SLC1A1: variants seen among roughly 807,000 people sequenced by gnomAD.
The protein encoded by SLC1A1 is solute carrier family 1 member 1.
Under a neutral mutation model 53.3 loss-of-function variants are expected in SLC1A1, and 43 were observed. The observed-to-expected ratio is 0.81, with a 90% CI of 0.63 to 1.04. The LOEUF is 1.04. SLC1A1 is among the 50% of genes least tolerant of loss of function. SLC1A1 has a pLI of 0.00. For missense variants in SLC1A1, 748 were observed against 664.9 expected (o/e 1.12, Z -1.37); for synonymous variants, 307 against 243.2 (o/e 1.26, Z -2.44).
At chr9:4,514,694 T>C (rs1821106191) in intron 1 of SLC1A1, among the ~76,000 whole-genome samples, 1 of 152,076 alleles carries the variant, frequency 6.6e-6, no homozygotes, top group Admixed American at 6.6e-5. Flanking sequence ...TGCCACCCTA[T>C]GTTAGGGGAC....
chr9:4,545,868 C>CAT (rs1817450899), intron 2 of SLC1A1, among the ~76,000 whole-genome samples: 1 of 118,024 alleles, frequency 8.5e-6, no homozygotes, highest in Non-Finnish European at 1.8e-5. Context: ...CTCTGCATTG[C>CAT]AGTTTCTTGT....
At chr9:4,543,765 CTAT>C (rs1217266568) in intron 1 of SLC1A1, among the ~76,000 whole-genome samples, 1 of 151,906 alleles carries the variant, frequency 6.6e-6, no homozygotes, top group Non-Finnish European at 1.5e-5. Flanking sequence ...AATCAATAGG[CTAT>C]TATATTCCTA....
At chr9:4,542,025 C>T (rs1817056954) in intron 1 of SLC1A1, among the ~76,000 whole-genome samples, 1 of 152,122 alleles carries the variant, frequency 6.6e-6, no homozygotes, top group African/African-American at 2.4e-5. Context: ...TAAAGCACAC[C>T]AATTTACAAG....
intron 1 of SLC1A1, among the ~76,000 whole-genome samples, chr9:4,491,037 G>C (rs564865032): frequency 6.6e-6 from 1 of 152,326 alleles, no homozygotes; most frequent in African/African-American, 2.4e-5. Flanking sequence ...AAAGGGGCTT[G>C]GGGGTAGAAA....
chr9:4,501,698 A>G (rs1251329534), intron 1 of SLC1A1, among the ~76,000 whole-genome samples: 1 of 151,704 alleles, frequency 6.6e-6, no homozygotes, highest in Non-Finnish European at 1.5e-5. Context: ...CTGGAGGCAG[A>G]GGTCGCAGTG....
intron 1 of SLC1A1, among the ~76,000 whole-genome samples, chr9:4,494,843 T>G (rs540793676): frequency 2.6e-5 from 4 of 152,256 alleles, no homozygotes; most frequent in African/African-American, 9.6e-5. Flanking sequence ...ATTCACAATA[T>G]AATACCTAAT....
chr9:4,523,957 C>T (rs1387389074), intron 1 of SLC1A1, among the ~76,000 whole-genome samples: 1 of 152,190 alleles, frequency 6.6e-6, no homozygotes, highest in Non-Finnish European at 1.5e-5. Flanking sequence ...TGAAGGGTTA[C>T]TGATGAATTC....
At chr9:4,535,646 T>C (rs371619702) in intron 1 of SLC1A1, among the ~76,000 whole-genome samples, 3 of 152,208 alleles carry the variant, frequency 2.0e-5, no homozygotes, top group African/African-American at 7.2e-5. Flanking sequence ...AGGTAATTTA[T>C]AGATTCAATG....
At chr9:4,574,644 T>A (rs917017997) in intron 8 of SLC1A1, among the ~76,000 whole-genome samples, 2 of 151,962 alleles carry the variant, frequency 1.3e-5, no homozygotes, top group Non-Finnish European at 2.9e-5. Context: ...ACTGTTTCCT[T>A]GAGAAAAGAT....
intron 3 of SLC1A1, among the ~76,000 whole-genome samples, chr9:4,563,024 T>G: frequency 6.7e-6 from 1 of 149,086 alleles, no homozygotes; most frequent in South Asian, 2.1e-4. Context: ...TGCTAGATGA[T>G]GAGTTAGTGG....
intron 1 of SLC1A1, among the ~76,000 whole-genome samples, chr9:4,517,248 G>T (rs1358798934): frequency 1.3e-5 from 2 of 152,086 alleles, no homozygotes; most frequent in Non-Finnish European, 2.9e-5. Context: ...TCACATCCAA[G>T]GTTCATCTAA....
chr9:4,585,155 C>T (rs1214670622), intron 11 of SLC1A1, among the ~76,000 whole-genome samples, 157 bp from the exon 12 acceptor site: 1 of 152,134 alleles, frequency 6.6e-6, no homozygotes, highest in Non-Finnish European at 1.5e-5. Flanking sequence ...ATGAACAACC[C>T]CAGGCCTGTG....
At chr9:4,529,124 T>G (rs1042670339) in intron 1 of SLC1A1, among the ~76,000 whole-genome samples, 2 of 152,280 alleles carry the variant, frequency 1.3e-5, no homozygotes, top group East Asian at 1.9e-4. Context: ...ACCGCTCACC[T>G]TGGATCACAG....
chr9:4,540,802 C>G (rs534658917), intron 1 of SLC1A1, among the ~76,000 whole-genome samples: 1 of 152,204 alleles, frequency 6.6e-6, no homozygotes, highest in African/African-American at 2.4e-5. Flanking sequence ...AGGCAGCTTT[C>G]TTGGAAATGA....
At chr9:4,495,368 C>A (rs144667039) in intron 1 of SLC1A1, among the ~76,000 whole-genome samples, 7 of 152,320 alleles carry the variant, frequency 4.6e-5, no homozygotes, top group Admixed American at 2.0e-4. Flanking sequence ...CCGGGTCACA[C>A]AGCATGTCCT....
intron 1 of SLC1A1, among the ~76,000 whole-genome samples, chr9:4,492,659 G>T (rs946810569): frequency 6.6e-6 from 1 of 152,056 alleles, no homozygotes; most frequent in African/African-American, 2.4e-5. Flanking sequence ...AATTAGCGTG[G>T]TGGTGCACAT....
rs905959883 is a variant in SLC1A1 at position 4,581,775 on chromosome 9, T to G, written c.1194-1263T>G. Among the ~76,000 whole-genome samples the G allele has an allele frequency of 2.9e-4, 44 of 152,132 alleles. 1 individual carries two copies. Among genetic ancestry groups the G allele is most frequent in the Non-Finnish European group, 2.9e-5 (2 of 68,016 alleles). On this transcript the variant is annotated intron_variant, in intron 10 of 11. Coordinates refer to ENST00000262352, the MANE Select transcript of SLC1A1 (RefSeq NM_004170.6). ...TAATTGGTACAGCCCCAGAAATCTCTAATTTACTATAATTTGGTGGTCAAA... is the reference window on the plus strand; with the variant it reads ...TAATTGGTACAGCCCCAGAAATCTCGAATTTACTATAATTTGGTGGTCAAA...
At chr9:4,513,207 G>C (rs1821053501) in intron 1 of SLC1A1, among the ~76,000 whole-genome samples, 1 of 151,990 alleles carries the variant, frequency 6.6e-6, no homozygotes, top group South Asian at 2.1e-4. Context: ...TGGTAAGTTG[G>C]ACTTTAACAA....
Position 4,499,562 on chromosome 9 carries a change from A to G in SLC1A1, c.91+8792A>G, listed in dbSNP as rs543979546. Among the ~76,000 whole-genome samples, 33 of 146,454 alleles carry G rather than the reference A, an allele frequency of 2.3e-4. No individual in the cohort carries two copies. The East Asian group carries it at 4.9e-3, about 22-fold the overall frequency. ...TTTTTGGTTGTTCTATGCAAGGTAT[A>G]TATGACTCAAGTCTATCAAAACTCC... On this transcript the variant is annotated intron_variant, in intron 1 of 11. Transcript: ENST00000262352.
Sources: allele counts gnomAD v4.1 joint callset (sites outside exome capture counted in the v4.1 genomes callset), GRCh38; gene constraint gnomAD v4.1.1; transcripts MANE v1.5; gene names NCBI Gene and HGNC (gene_info 2026-07-23, HGNC 2026-07-21).